Variants in SCHIP1 observed in about 807,000 individuals in gnomAD.
SCHIP1 encodes schwannomin interacting protein 1, also known as schwannomin-interacting protein 1.
Under a neutral mutation model 29.7 loss-of-function variants are expected in SCHIP1, and 8 were observed. The ratio of observed to expected loss-of-function variants is 0.27; its 90% CI spans 0.16 to 0.49. The LOEUF (loss-of-function observed/expected upper bound fraction) is 0.49, where lower values mean the gene tolerates loss of function less well. SCHIP1 is among the 20% of genes least tolerant of loss of function. The pLI is 0.99. For missense variants in SCHIP1, 193 were observed against 294.6 expected (o/e 0.66, Z 2.52); for synonymous variants, 76 against 94.9 (o/e 0.80, Z 1.16).
At chr3:159,740,358 T>G in the SCHIP1 span, among the ~76,000 whole-genome samples, 4 of 152,010 alleles carry the variant, frequency 2.6e-5, no homozygotes, top group Non-Finnish European at 4.4e-5. Flanking sequence ...CCCCAAAAGG[T>G]TGTTGTGTCC....
chr3:159,714,228 C>T, the SCHIP1 span, among the ~76,000 whole-genome samples: 1 of 151,994 alleles, frequency 6.6e-6, no homozygotes, highest in African/African-American at 2.4e-5. Flanking sequence ...AGAGCGAGAT[C>T]CTGTCTCAAA....
At chr3:159,572,969 A>T in the SCHIP1 span, among the ~76,000 whole-genome samples, 3 of 147,696 alleles carry the variant, frequency 2.0e-5, no homozygotes, top group African/African-American at 7.5e-5. Flanking sequence ...TGCTTGGTAG[A>T]CCTTCCTCCA....
the SCHIP1 span, among the ~76,000 whole-genome samples, chr3:159,469,907 C>T: frequency 1.1e-4 from 16 of 152,008 alleles, no homozygotes; most frequent in African/African-American, 3.6e-4. Context: ...ATGTTAAATA[C>T]TAGCCATGAG....
chr3:159,627,946 G>C, the SCHIP1 span, among the ~76,000 whole-genome samples: 2 of 152,176 alleles, frequency 1.3e-5, no homozygotes, highest in Non-Finnish European at 2.9e-5. Flanking sequence ...TGGAGGAAAG[G>C]GTTGGGCTTA....
At chr3:159,605,233 C>T in the SCHIP1 span, among the ~76,000 whole-genome samples, 1 of 152,296 alleles carries the variant, frequency 6.6e-6, no homozygotes, top group Admixed American at 6.5e-5. Flanking sequence ...CTTCAGGGAG[C>T]ATATCTTTTT....
At chr3:159,525,431 C>T in the SCHIP1 span, among the ~76,000 whole-genome samples, 2 of 152,160 alleles carry the variant, frequency 1.3e-5, no homozygotes, top group East Asian at 3.9e-4. Flanking sequence ...TATTAGGGAG[C>T]CCTTTGTGTG....
the SCHIP1 span, among the ~76,000 whole-genome samples, chr3:159,526,324 G>C: frequency 6.6e-6 from 1 of 151,882 alleles, no homozygotes; most frequent in Non-Finnish European, 1.5e-5. Context: ...GTGCACCACT[G>C]TGCCCGGCTA....
chr3:159,519,144 T>A, the SCHIP1 span, among the ~76,000 whole-genome samples: 1 of 152,012 alleles, frequency 6.6e-6, no homozygotes, highest in Non-Finnish European at 1.5e-5. Context: ...TATAACTGAA[T>A]CTCCAACCAA....
the SCHIP1 span, among the ~76,000 whole-genome samples, chr3:159,285,879 C>A: frequency 6.6e-6 from 1 of 152,096 alleles, no homozygotes; most frequent in Non-Finnish European, 1.5e-5. Context: ...ATTTCCTATT[C>A]TCTTTAGTTT....
the SCHIP1 span, among the ~76,000 whole-genome samples, chr3:159,316,460 A>G: frequency 3.3e-5 from 5 of 152,152 alleles, no homozygotes; most frequent in African/African-American, 1.2e-4. Context: ...TTAACAGTAG[A>G]TCTGCCTTCC....
At chr3:159,289,377 G>A in the SCHIP1 span, among the ~76,000 whole-genome samples, 1,453 of 151,836 alleles carry the variant, frequency 9.6e-3, 14 homozygotes, top group African/African-American at 0.014. Context: ...AGCCACACCA[G>A]CCTATAAGTT....
chr3:159,364,001 ACTTTCT>A, the SCHIP1 span, among the ~76,000 whole-genome samples: 4 of 152,116 alleles, frequency 2.6e-5, no homozygotes, highest in Admixed American at 2.0e-4. Context: ...AAAATAGCAA[ACTTTCT>A]CTTTCTTTTT....
chr3:159,766,661 C>T, the SCHIP1 span, among the ~76,000 whole-genome samples: 4 of 152,100 alleles, frequency 2.6e-5, no homozygotes, highest in East Asian at 3.9e-4. Flanking sequence ...TTGATGGTGA[C>T]AATGAGCTCC....
intron 6 of SCHIP1, chr3:159,894,702 ATTG>A (rs1717883062): frequency 6.7e-6 from 1 of 148,674 alleles, no homozygotes; most frequent in Non-Finnish European, 1.5e-5. Flanking sequence ...CTCAATAGCA[ATTG>A]TTGTTTTAAA....
chr3:159,823,907 A>G, the SCHIP1 span, among the ~76,000 whole-genome samples: 239 of 152,308 alleles, frequency 1.6e-3, no homozygotes, highest in South Asian at 4.8e-3. Flanking sequence ...TCTAAACCCT[A>G]AAAACTAAGT....
At chr3:159,541,798 T>C in the SCHIP1 span, among the ~76,000 whole-genome samples, 1 of 152,114 alleles carries the variant, frequency 6.6e-6, no homozygotes, top group Non-Finnish European at 1.5e-5. Flanking sequence ...GCAGTTTGCC[T>C]TGTATGAGGG....
the SCHIP1 span, among the ~76,000 whole-genome samples, chr3:159,448,108 T>A: frequency 6.6e-6 from 1 of 152,176 alleles, no homozygotes; most frequent in Non-Finnish European, 1.5e-5. Flanking sequence ...AGGATAATAA[T>A]CTCTTCCTTG....
At chr3:159,569,999 G>A in the SCHIP1 span, among the ~76,000 whole-genome samples, 26 of 151,864 alleles carry the variant, frequency 1.7e-4, no homozygotes, top group South Asian at 4.6e-3. Context: ...ATCCTTCGCC[G>A]ACTTTTGGAT....
chr3:159,382,822 C>T, the SCHIP1 span, among the ~76,000 whole-genome samples: 1 of 152,178 alleles, frequency 6.6e-6, no homozygotes. Context: ...GATGGTATCT[C>T]ATTGTGGTTT....
Sources: gnomAD v4.1 joint callset for allele counts (sites outside exome capture counted in the v4.1 genomes callset) on GRCh38, gnomAD v4.1.1 for gene constraint, MANE v1.5 for transcripts, NCBI Gene and HGNC (gene_info 2026-07-23, HGNC 2026-07-21) for gene names.